IKBKB: variants seen among roughly 807,000 people sequenced by gnomAD.
IKBKB encodes inhibitor of nuclear factor kappa B kinase subunit beta.
In IKBKB, 42 loss-of-function variants were observed where a neutral mutation model predicts 113.6. The ratio of observed to expected loss-of-function variants is 0.37; its 90% CI spans 0.29 to 0.48. The LOEUF is 0.48. Among genes scored for constraint, IKBKB ranks in the 20% least tolerant of loss-of-function variants. The pLI is 0.99. For synonymous variants in IKBKB, 296 were observed against 361.3 expected, an observed-to-expected ratio of 0.82 and a Z score of 2.05; for missense variants, 673 against 939.7, an observed-to-expected ratio of 0.72 and a Z score of 3.71.
At chr8:42,309,537 T>TTGAG in intron 8 of IKBKB, 2 of 376,198 alleles carry the variant, frequency 5.3e-6, no homozygotes, top group South Asian at 3.9e-5. Flanking sequence ...GGTGGATCAG[T>TTGAG]TGAGGCCAGC....
chr8:42,306,216 G>A (rs1368192424), intron 6 of IKBKB, 127 bp from the exon 7 acceptor site: 1 of 626,508 alleles, frequency 1.6e-6, no homozygotes, highest in Admixed American at 2.4e-5. Flanking sequence ...GTGGCTCTTA[G>A]GAGTTTGGGA....
chr8:42,307,986 C>A (rs1173123315), intron 7 of IKBKB, among the ~76,000 whole-genome samples: 2 of 152,242 alleles, frequency 1.3e-5, no homozygotes, highest in Non-Finnish European at 2.9e-5. Context: ...ACCCCCAGCA[C>A]CCCGTGCTGC....
chr8:42,273,525 G>A (rs185474201), intron 2 of IKBKB, among the ~76,000 whole-genome samples: 1 of 152,064 alleles, frequency 6.6e-6, no homozygotes, highest in South Asian at 2.1e-4. Context: ...ATGAAAGTGA[G>A]AATTCATTTA....
In IKBKB at chr8:42,271,388, T is replaced by C; in HGVS notation, c.-100T>C. ...GCATTTTAATGTTTTCAGGGGGGTGTCATAGCCCCGGGTTTGGCCGCCCCA... is the reference window on the plus strand; with the variant it reads ...GCATTTTAATGTTTTCAGGGGGGTGCCATAGCCCCGGGTTTGGCCGCCCCA... On this transcript the variant is annotated 5_prime_UTR_variant, in exon 1 of 22. Transcript: ENST00000520810. 6.6e-7 allele frequency: 1 copy of C among 1,512,082 alleles called. No homozygotes were observed. Among genetic ancestry groups the C allele is most frequent in the African/African-American group, 1.4e-5 (1 of 72,126 alleles). 93.7% of individuals were successfully genotyped at this position (1,512,082 alleles called of 1,614,324 possible). A position where few individuals can be genotyped will look rare whatever the true frequency, so the allele number is the denominator to read the frequency against.
chr8:42,282,403 T>C (rs1000025454), intron 2 of IKBKB, among the ~76,000 whole-genome samples: 1 of 152,200 alleles, frequency 6.6e-6, no homozygotes, highest in Non-Finnish European at 1.5e-5. Context: ...GACAGAGTCT[T>C]GCCATATTGC....
Position 42,305,038 on chromosome 8 carries a change from G to A in IKBKB, c.389-149G>A, listed in dbSNP as rs141991135. On this transcript the variant is annotated intron_variant, in intron 5 of 21. Coordinates refer to ENST00000520810, the MANE Select transcript of IKBKB (RefSeq NM_001556.3). ...CCTGTGGAAGTTTAAGCCTCACGTAGCAGGGCCCCTGCCCTCCACCCTGAG... is the reference window on the plus strand; with the variant it reads ...CCTGTGGAAGTTTAAGCCTCACGTAACAGGGCCCCTGCCCTCCACCCTGAG... The A allele has an allele frequency of 5.3e-4, 328 of 623,280 alleles. No homozygotes were observed. In the East Asian group the frequency reaches 7.9e-3, roughly 15 times the overall value. 38.6% of individuals were successfully genotyped at this position (623,280 alleles called of 1,614,324 possible).
chr8:42,328,323 C>A (rs1563375210), intron 20 of IKBKB, among the ~76,000 whole-genome samples: 1 of 150,828 alleles, frequency 6.6e-6, no homozygotes, highest in South Asian at 2.1e-4. Context: ...AGTAGCTAGA[C>A]CGGGAGCCTG....
chr8:42,316,440 G>A lies in IKBKB; in HGVS notation c.930+101G>A. On this transcript the variant is annotated intron_variant, in intron 10 of 21. Coordinates refer to ENST00000520810, the MANE Select transcript of IKBKB (RefSeq NM_001556.3). This position sits in a 1 kb window ranked among gnomAD's most constrained non-coding sequence, Gnocchi z 4.5. ...AGGGGATGGGGCCAGCTGACCTAGTGAGGAAATTTAGGCTCCTGCATCAGT... is the reference window on the plus strand; with the variant it reads ...AGGGGATGGGGCCAGCTGACCTAGTAAGGAAATTTAGGCTCCTGCATCAGT... The A allele has an allele frequency of 7.0e-7, 1 of 1,435,178 alleles. No individual in the cohort carries two copies. The highest frequency in any genetic ancestry group is 9.5e-7 in the Non-Finnish European group (1 of 1,053,704). The allele number at this position is 1,435,178 out of a possible 1,614,324, so 88.9% of individuals were successfully genotyped here.
At chr8:42,272,996 C>CTG (rs897922498) in intron 2 of IKBKB, among the ~76,000 whole-genome samples, 1 of 150,708 alleles carries the variant, frequency 6.6e-6, no homozygotes, top group Non-Finnish European at 1.5e-5. Flanking sequence ...TGTAGTCCCA[C>CTG]TACATTGGAG....
intron 5 of IKBKB, among the ~76,000 whole-genome samples, chr8:42,304,790 T>C (rs1286855060): frequency 6.6e-6 from 1 of 152,196 alleles, no homozygotes; most frequent in Non-Finnish European, 1.5e-5. Context: ...CTCAAAACTT[T>C]ATTGGCGTCA....
At position 42,271,405 on chromosome 8, in the gene IKBKB, G is replaced by T; in HGVS notation, c.-83G>T. 1.3e-6 allele frequency: 2 copies of T among 1,514,300 alleles called. 1 individual carries two copies. Among genetic ancestry groups the T allele is most frequent in the South Asian group, 2.4e-5 (2 of 83,496 alleles). 93.8% of individuals were successfully genotyped at this position (1,514,300 alleles called of 1,614,324 possible). A position where few individuals can be genotyped will look rare whatever the true frequency, so the allele number is the denominator to read the frequency against. On this transcript the variant is annotated 5_prime_UTR_variant, in exon 1 of 22. Coordinates refer to ENST00000520810, the MANE Select transcript of IKBKB (RefSeq NM_001556.3). ...GGGGGGTGTCATAGCCCCGGGTTTGGCCGCCCCAGCCCCGCCTTCCCCGCC... is the reference window on the plus strand; with the variant it reads ...GGGGGGTGTCATAGCCCCGGGTTTGTCCGCCCCAGCCCCGCCTTCCCCGCC...
intron 4 of IKBKB, among the ~76,000 whole-genome samples, chr8:42,292,048 G>A (rs191988008): frequency 2.6e-5 from 4 of 152,252 alleles, no homozygotes; most frequent in Non-Finnish European, 5.9e-5. Flanking sequence ...TGTCCTGGGA[G>A]TGGCACTCAC....
At chr8:42,307,681 A>G (rs1029670655) in intron 7 of IKBKB, among the ~76,000 whole-genome samples, 1 of 152,128 alleles carries the variant, frequency 6.6e-6, no homozygotes, top group Non-Finnish European at 1.5e-5. Flanking sequence ...TCCATATGGC[A>G]TGTGATTTGG....
chr8:42,295,116 CTTT>C, intron 5 of IKBKB, among the ~76,000 whole-genome samples: 1 of 113,792 alleles, frequency 8.8e-6, no homozygotes, highest in Admixed American at 9.3e-5. Flanking sequence ...TTACGAAAGT[CTTT>C]TTTTTTTTTT....
chr8:42,302,172 A>G (rs1815358195), intron 5 of IKBKB, among the ~76,000 whole-genome samples: 1 of 152,170 alleles, frequency 6.6e-6, no homozygotes, highest in Non-Finnish European at 1.5e-5. Flanking sequence ...TAGTGCAGCT[A>G]TTTTTTATAC....
Position 42,331,359 on chromosome 8 carries a change from G to A in IKBKB, c.*380G>A, listed in dbSNP as rs546929428. On this transcript the variant is annotated 3_prime_UTR_variant, in exon 22 of 22. Transcript: ENST00000520810. ...GCCGTGAGAAAAGTGCTTGGAGTAC[G>A]GTTTGCCACACACGTGACTGGACAG... 14 of 702,904 alleles carry A rather than the reference G, an allele frequency of 2.0e-5. No homozygotes were observed. The highest frequency in any genetic ancestry group is 7.0e-5 in the African/African-American group (4 of 57,382). The allele number at this position is 702,904 out of a possible 1,614,324, so 43.5% of individuals were successfully genotyped here. A position where few individuals can be genotyped will look rare whatever the true frequency, so the allele number is the denominator to read the frequency against.
At chr8:42,291,305 C>G (rs890447658) in intron 4 of IKBKB, among the ~76,000 whole-genome samples, 2 of 152,152 alleles carry the variant, frequency 1.3e-5, no homozygotes, top group South Asian at 4.1e-4. Flanking sequence ...CCTCACCCTC[C>G]CGAGTAGCTG....
chr8:42,294,802 C>T (rs1252307002), intron 5 of IKBKB, among the ~76,000 whole-genome samples: 1 of 152,198 alleles, frequency 6.6e-6, no homozygotes, highest in Non-Finnish European at 1.5e-5. Context: ...CATAATCCAT[C>T]AGTTAGAAAT....
chr8:42,272,466 C>T, intron 2 of IKBKB: 1 of 584,522 alleles, frequency 1.7e-6, no homozygotes, highest in Non-Finnish European at 3.0e-6. Context: ...TATATGGTAA[C>T]AGTAGAATAT....
Sources: allele counts gnomAD v4.1 joint callset (sites outside exome capture counted in the v4.1 genomes callset), GRCh38; gene constraint gnomAD v4.1.1; non-coding constraint Gnocchi (gnomAD v3.1); transcripts MANE v1.5; gene names NCBI Gene and HGNC (gene_info 2026-07-23, HGNC 2026-07-21).